The following LRRC53 variants were observed in gnomAD, a reference collection of about 807,000 sequenced individuals.
LRRC53 encodes leucine-rich repeat-containing protein 53.
Under a neutral mutation model 13.6 loss-of-function variants are expected in LRRC53, and 25 were observed. The observed-to-expected ratio is 1.83, with a 90% CI of 1.34 to 2.56. LRRC53 has a LOEUF of 2.56. Ranked by LOEUF, LRRC53 falls within the 30% of genes most tolerant of loss-of-function variation. The pLI, the probability that LRRC53 is intolerant of heterozygous loss-of-function variation, is 0.00. For missense variants in LRRC53, 527 were observed against 275.8 expected, an observed-to-expected ratio of 1.91 and a Z score of -6.45; for synonymous variants, 204 against 109.8, an observed-to-expected ratio of 1.86 and a Z score of -5.37.
the LRRC53 span, among the ~76,000 whole-genome samples, chr1:74,526,045 T>G: frequency 6.6e-6 from 1 of 152,184 alleles, no homozygotes; most frequent in African/African-American, 2.4e-5. Flanking sequence ...TACATTCGCT[T>G]AAAACAAAAC....
chr1:74,475,489 A>G lies in LRRC53; in HGVS notation c.1226T>C (p.Val409Ala). Reference sequence around the variant, plus strand: ...ATCCTGGCAAAATAAAGTGCTGCCTACCCCACGGTCTTTCTTTTTCAGGTT... The same window carrying G: ...ATCCTGGCAAAATAAAGTGCTGCCTGCCCCACGGTCTTTCTTTTTCAGGTT... ...FRNLKKKDRG[V>A]GSTLFCQDGR... Residue 409 changes from valine to alanine, a missense_variant, in exon 4 of 5, where the codon GTA (valine) becomes GCA (alanine). Physicochemically the swap from Val to Ala is moderately conservative, Grantham distance 64. Coordinates refer to ENST00000294635, the MANE Select transcript of LRRC53 (RefSeq NM_001382280.1). The G allele has an allele frequency of 2.8e-6, 2 of 716,824 alleles. No individual in the cohort carries two copies. Among genetic ancestry groups the G allele is most frequent in the Admixed American group, 2.0e-5 (1 of 49,912 alleles). 44.4% of individuals were successfully genotyped at this position (716,824 alleles called of 1,614,324 possible). A position where few individuals can be genotyped will look rare whatever the true frequency, so the allele number is the denominator to read the frequency against.
chr1:74,524,897 T>C, the LRRC53 span, among the ~76,000 whole-genome samples: 2 of 152,128 alleles, frequency 1.3e-5, no homozygotes, highest in African/African-American at 2.4e-5. Context: ...ATCATTAGGA[T>C]TGTTTCTAAA....
intron 2 of LRRC53, among the ~76,000 whole-genome samples, chr1:74,481,988 T>C (rs539100261): frequency 3.3e-5 from 5 of 152,190 alleles, no homozygotes; most frequent in Non-Finnish European, 5.9e-5. Context: ...TCAGAGTGCC[T>C]TCTTTTGGAA....
Position 74,480,962 on chromosome 1 carries a change from G to C in LRRC53, c.95C>G (p.Pro32Arg). ...GATGATTAAAACCCTCGTGGTCATA[G>C]GGGCTGCTGTGGGGAAAAAAGCACA... ...CHQLTYIVAA[P>R]MTTRVLIITD... Residue 32 changes from proline to arginine, a missense_variant, in exon 3 of 5, where the codon CCT becomes CGT. By Grantham distance (103) the Pro-to-Arg change is moderately radical (BLOSUM62 -2). Coordinates refer to ENST00000294635, the MANE Select transcript of LRRC53 (RefSeq NM_001382280.1). The C allele has an allele frequency of 1.4e-6, 1 of 710,614 alleles. No homozygotes were observed. Among genetic ancestry groups the C allele is most frequent in the Non-Finnish European group, 2.6e-6 (1 of 381,284 alleles). The allele number at this position is 710,614 out of a possible 1,614,324, so 44.0% of individuals were successfully genotyped here.
rs1667868077 is a variant in LRRC53 at position 74,470,427 on chromosome 1, C to G, written c.3195G>C (p.Leu1065Phe). The G allele has an allele frequency of 2.5e-6, 1 of 400,654 alleles. No homozygotes were observed. The highest frequency in any genetic ancestry group is 4.4e-6 in the Non-Finnish European group (1 of 226,192). The allele number at this position is 400,654 out of a possible 1,614,324, so 24.8% of individuals were successfully genotyped here. ...GTGCTTCAGTGCCGTCATTTCTGGGCAATGCATTTGTGCTGTCAATTCCTT... is the reference window on the plus strand; with the variant it reads ...GTGCTTCAGTGCCGTCATTTCTGGGGAATGCATTTGTGCTGTCAATTCCTT... ...SEKGIDSTNA[L>F]PRNDGTEALE... is the part of the protein sequence containing the mutation. Residue 1065 changes from leucine (L) to phenylalanine (F), a missense_variant, in exon 5 of 5, where the codon TTG (leucine) becomes TTC (phenylalanine). Transcript: ENST00000294635.
intron 1 of LRRC53, 118 bp downstream of exon 1, chr1:74,512,408 A>T (rs1670274602): frequency 6.6e-6 from 1 of 152,206 alleles, no homozygotes; most frequent in Non-Finnish European, 1.5e-5. Flanking sequence ...TACTGATGAC[A>T]TCACCCACAT....
rs530501031 is a variant in LRRC53, at chr1:74,470,415, G to A, written c.3207C>T (p.Asp1069=). ...IDSTNALPRN[D]GTEALEIKIV... Reference sequence around the variant, plus strand: ...TTTTTATCTCTAGTGCTTCAGTGCCGTCATTTCTGGGCAATGCATTTGTGC... The same window carrying A: ...TTTTTATCTCTAGTGCTTCAGTGCCATCATTTCTGGGCAATGCATTTGTGC... Residue 1069 remains aspartate (D), a synonymous_variant, in exon 5 of 5, where the codon GAC becomes GAT. Coordinates refer to ENST00000294635, the MANE Select transcript of LRRC53 (RefSeq NM_001382280.1). The A allele has an allele frequency of 6.2e-5, 25 of 400,574 alleles. No individual in the cohort carries two copies. Among genetic ancestry groups the A allele is most frequent in the South Asian group, 1.3e-4 (1 of 7,936 alleles). The allele number at this position is 400,574 out of a possible 1,614,324, so 24.8% of individuals were successfully genotyped here. A position where few individuals can be genotyped will look rare whatever the true frequency, so the allele number is the denominator to read the frequency against.
chr1:74,510,364 C>T (rs1226846813), intron 1 of LRRC53, among the ~76,000 whole-genome samples: 4 of 151,958 alleles, frequency 2.6e-5, no homozygotes, highest in Admixed American at 6.6e-5. Context: ...AAATATTAGC[C>T]GGGCATGGTG....
chr1:74,478,669 C>T (rs1391198573), intron 3 of LRRC53, among the ~76,000 whole-genome samples: 1 of 152,174 alleles, frequency 6.6e-6, no homozygotes, highest in African/African-American at 2.4e-5. Flanking sequence ...ACGAGAAGTG[C>T]TGCAGTGAGT....
At chr1:74,485,019 A>G (rs1339668749) in intron 1 of LRRC53, among the ~76,000 whole-genome samples, 1 of 152,160 alleles carries the variant, frequency 6.6e-6, no homozygotes, top group Non-Finnish European at 1.5e-5. Context: ...ATGCAATTTA[A>G]TTTAACAAAT....
At chr1:74,502,066 C>A (rs1022290027) in intron 1 of LRRC53, among the ~76,000 whole-genome samples, 1 of 151,984 alleles carries the variant, frequency 6.6e-6, no homozygotes. Context: ...TTGCTTGGAC[C>A]CATGATGTAT....
intron 1 of LRRC53, chr1:74,492,347 T>A (rs1669124057): frequency 1.5e-6 from 2 of 1,349,044 alleles, no homozygotes; most frequent in Admixed American, 5.2e-5. Context: ...TTGATTACTA[T>A]TAACAGGGTT....
upstream of LRRC53, among the ~76,000 whole-genome samples, chr1:74,513,327 G>C (rs1646291093): frequency 6.6e-6 from 1 of 152,222 alleles, no homozygotes; most frequent in Admixed American, 6.5e-5. Context: ...TGCACTAGGT[G>C]TTCTTATCAG....
chr1:74,535,834 C>T, the LRRC53 span, among the ~76,000 whole-genome samples: 1 of 152,170 alleles, frequency 6.6e-6, no homozygotes, highest in South Asian at 2.1e-4. Context: ...AACCACTCGT[C>T]ATCTGGAACA....
chr1:74,531,992 A>G, the LRRC53 span, among the ~76,000 whole-genome samples: 1 of 152,222 alleles, frequency 6.6e-6, no homozygotes, highest in African/African-American at 2.4e-5. Flanking sequence ...TTAGCTGCAT[A>G]AAAACTAATT....
intron 1 of LRRC53, among the ~76,000 whole-genome samples, chr1:74,491,263 A>T (rs947941080): frequency 6.6e-6 from 1 of 152,202 alleles, no homozygotes; most frequent in African/African-American, 2.4e-5. Context: ...CTCTGTCTCC[A>T]GGCTGGAGTG....
At chr1:74,492,022 A>T in intron 1 of LRRC53, 1 of 1,387,764 alleles carries the variant, frequency 7.2e-7, no homozygotes, top group Non-Finnish European at 9.5e-7. Context: ...ATAGAAAGTT[A>T]AATCCATATT....
rs1348552553 is a variant in LRRC53 at position 74,480,579 on chromosome 1, T to C, written c.478A>G (p.Arg160Gly). The C allele has an allele frequency of 1.1e-5, 8 of 717,200 alleles. No homozygotes were observed. Among genetic ancestry groups the C allele is most frequent in the Non-Finnish European group, 2.1e-5 (8 of 385,098 alleles). The allele number at this position is 717,200 out of a possible 1,614,324, so 44.4% of individuals were successfully genotyped here. A position where few individuals can be genotyped will look rare whatever the true frequency, so the allele number is the denominator to read the frequency against. ...SFGGTNLHSL[R>G]YLDLSNNFIS... ...AAATTGTTGGATAAATCCAGATACC[T>C]GAGACTGTGGAGATTCGTGCCTCCG... Residue 160 changes from arginine (R) to glycine (G), a missense_variant, in exon 3 of 5, where the codon AGG (arginine) becomes GGG (glycine). Coordinates refer to ENST00000294635, the MANE Select transcript of LRRC53 (RefSeq NM_001382280.1).
chr1:74,520,703 G>A, the LRRC53 span, among the ~76,000 whole-genome samples: 1 of 152,046 alleles, frequency 6.6e-6, no homozygotes, highest in Non-Finnish European at 1.5e-5. Context: ...AAAAGAGAAG[G>A]AAGGGAGGCC....
Sources: allele counts gnomAD v4.1 joint callset (sites outside exome capture counted in the v4.1 genomes callset), GRCh38; gene constraint gnomAD v4.1.1; transcripts MANE v1.5; gene names NCBI Gene and HGNC (gene_info 2026-07-23, HGNC 2026-07-21).